The following GPR158 variants were observed in gnomAD, a reference collection of about 807,000 sequenced individuals.
GPR158 encodes the protein metabotropic glycine receptor.
GPR158 carries 30 observed loss-of-function variants against 78.2 expected under a neutral mutation model. The observed-to-expected ratio is 0.38, with a 90% confidence interval of 0.29 to 0.52. GPR158 has a LOEUF of 0.52. Ranked by LOEUF, GPR158 falls within the 20% of genes least tolerant of loss-of-function variation. GPR158 has a pLI of 0.83. For synonymous variants in GPR158, 581 were observed against 591.1 expected, an observed-to-expected ratio of 0.98 and a Z score of 0.25; for missense variants, 1,463 against 1,523.5, an observed-to-expected ratio of 0.96 and a Z score of 0.66.
chr10:25,272,385 A>G (rs1011261245), intron 2 of GPR158, among the ~76,000 whole-genome samples: 1 of 152,100 alleles, frequency 6.6e-6, no homozygotes, highest in African/African-American at 2.4e-5. Context: ...TAATGTGCTC[A>G]CTTCTCTGGT....
At chr10:25,191,320 G>A (rs1852768014) in intron 1 of GPR158, among the ~76,000 whole-genome samples, 2 of 152,300 alleles carry the variant, frequency 1.3e-5, no homozygotes, top group East Asian at 1.9e-4. Flanking sequence ...TGGCTGCAGC[G>A]AACTTGCAGT....
At chr10:25,401,172 A>G (rs534568161) in intron 3 of GPR158, among the ~76,000 whole-genome samples, 1 of 152,116 alleles carries the variant, frequency 6.6e-6, no homozygotes, top group Non-Finnish European at 1.5e-5. Flanking sequence ...ATCAGTCTCT[A>G]GTATCTATTC....
intron 3 of GPR158, among the ~76,000 whole-genome samples, chr10:25,411,760 C>G (rs1350510407): frequency 6.6e-6 from 1 of 151,324 alleles, no homozygotes; most frequent in African/African-American, 2.4e-5. Context: ...ACAGTGAAAC[C>G]CCATCTCTAC....
intron 2 of GPR158, among the ~76,000 whole-genome samples, chr10:25,271,412 T>G (rs753319872): frequency 2.0e-5 from 3 of 152,210 alleles, no homozygotes; most frequent in Non-Finnish European, 4.4e-5. Context: ...TTCTAAACAT[T>G]AACAGCAACT....
rs145677326 is a variant in GPR158 at position 25,508,482 on chromosome 10, G to A, written c.1404+41763G>A. Among the ~76,000 whole-genome samples, 225 of 152,214 alleles carry A rather than the reference G, an allele frequency of 1.5e-3. 1 individual carries two copies. Among genetic ancestry groups the A allele is most frequent in the African/African-American group, 4.7e-3 (196 of 41,530 alleles). On this transcript the variant is annotated intron_variant, in intron 5 of 10. Coordinates refer to ENST00000376351, the MANE Select transcript of GPR158 (RefSeq NM_020752.3). ...TGGAGTTTTAACATTAAAATGAAGC[G>A]GAATTTGGCTTTTTACAACAAAAGG...
intron 5 of GPR158, among the ~76,000 whole-genome samples, chr10:25,497,940 T>C (rs1468466309): frequency 6.6e-6 from 1 of 152,204 alleles, no homozygotes; most frequent in African/African-American, 2.4e-5. Context: ...TTAACGTTGC[T>C]GGGTTTTAAT....
chr10:25,558,448 A>G (rs1186543546), intron 6 of GPR158, among the ~76,000 whole-genome samples: 1 of 152,220 alleles, frequency 6.6e-6, no homozygotes, highest in Non-Finnish European at 1.5e-5. Flanking sequence ...TCAGGCAGCA[A>G]AACGGGGAGG....
chr10:25,402,459 A>G (rs1470442691), intron 3 of GPR158, among the ~76,000 whole-genome samples: 1 of 152,096 alleles, frequency 6.6e-6, no homozygotes, highest in Non-Finnish European at 1.5e-5. Context: ...TTGTATCAGT[A>G]TTAAATTTCC....
chr10:25,387,254 T>C (rs1834234547), intron 2 of GPR158, among the ~76,000 whole-genome samples: 1 of 152,228 alleles, frequency 6.6e-6, no homozygotes, highest in Non-Finnish European at 1.5e-5. Context: ...TCCTTCATTC[T>C]GTTGATGTGT....
At chr10:25,477,351 G>A (rs1835602812) in intron 5 of GPR158, among the ~76,000 whole-genome samples, 1 of 152,104 alleles carries the variant, frequency 6.6e-6, no homozygotes, top group Non-Finnish European at 1.5e-5. Flanking sequence ...AGATTTGACA[G>A]CAAGAACCCC....
intron 2 of GPR158, among the ~76,000 whole-genome samples, chr10:25,273,713 T>G (rs1854147405): frequency 6.6e-6 from 1 of 152,142 alleles, no homozygotes; most frequent in African/African-American, 2.4e-5. Context: ...AGGTTTTCCC[T>G]CTGTTGCCCA....
chr10:25,568,445 G>A (rs1233239218), intron 6 of GPR158, among the ~76,000 whole-genome samples: 2 of 152,114 alleles, frequency 1.3e-5, no homozygotes, highest in Non-Finnish European at 2.9e-5. Context: ...AAGTAGGAAG[G>A]AAGTAGGAAG....
chr10:25,289,679 CAA>C (rs1854406942), intron 2 of GPR158, among the ~76,000 whole-genome samples: 1 of 152,106 alleles, frequency 6.6e-6, no homozygotes, highest in South Asian at 2.1e-4. Context: ...CTCTGCCTCC[CAA>C]AGTGCTGAAA....
chr10:25,414,204 T>C (rs1047133786), intron 4 of GPR158, among the ~76,000 whole-genome samples: 1 of 152,184 alleles, frequency 6.6e-6, no homozygotes, highest in Non-Finnish European at 1.5e-5. Context: ...TTTAGAAACC[T>C]GAGATAGTTC....
intron 2 of GPR158, among the ~76,000 whole-genome samples, chr10:25,313,506 A>G (rs80095229): frequency 0.2 from 30,676 of 151,734 alleles, 5,214 homozygotes; most frequent in African/African-American, 0.47. Context: ...AAAAAAAAAA[A>G]TATATTTTAA....
chr10:25,483,054 T>C (rs1251282268), intron 5 of GPR158, among the ~76,000 whole-genome samples: 5 of 151,960 alleles, frequency 3.3e-5, no homozygotes, highest in Non-Finnish European at 7.4e-5. Context: ...CACCATTGAG[T>C]ATTAGGTTAT....
In GPR158 at chr10:25,503,942, GT is replaced by G. The variant is rs755954005; in HGVS notation, c.1404+37224del. Among the ~76,000 whole-genome samples, 3 of 150,534 alleles carry G rather than the reference GT, an allele frequency of 2.0e-5. No homozygotes were observed. In the East Asian group the frequency reaches 5.9e-4, roughly 30 times the overall value. On this transcript the variant is annotated intron_variant, in intron 5 of 10. Transcript: ENST00000376351. ...GCCTCGCTCTGTCACCCCAGCTGGA[GT>G]GCGATGGGGTGACCTTGGCTCACTG...
chr10:25,207,116 G>T (rs375296904), intron 1 of GPR158, among the ~76,000 whole-genome samples: 19 of 152,152 alleles, frequency 1.2e-4, no homozygotes, highest in East Asian at 9.7e-4. Context: ...TCTGCTCTTT[G>T]TCTGGGGGGA....
intron 4 of GPR158, among the ~76,000 whole-genome samples, chr10:25,442,321 C>T (rs1335896355): frequency 6.6e-6 from 1 of 152,010 alleles, no homozygotes; most frequent in African/African-American, 2.4e-5. Context: ...AAAGCAAACA[C>T]GAGTGGCTCA....
Sources: allele counts gnomAD v4.1 joint callset (sites outside exome capture counted in the v4.1 genomes callset), GRCh38; gene constraint gnomAD v4.1.1; transcripts MANE v1.5; gene names NCBI Gene and HGNC (gene_info 2026-07-23, HGNC 2026-07-21).